MAGI2: variants seen among roughly 807,000 people sequenced by gnomAD.
MAGI2 encodes the protein membrane-associated guanylate kinase, WW and PDZ domain-containing protein 2.
MAGI2 carries 35 observed loss-of-function variants against 133.3 expected under a neutral mutation model. The ratio of observed to expected loss-of-function variants is 0.26; its 90% CI spans 0.20 to 0.35. The LOEUF (loss-of-function observed/expected upper bound fraction) is 0.35, where lower values mean the gene tolerates loss of function less well. MAGI2 is among the 10% of genes least tolerant of loss of function. The pLI, the probability that MAGI2 is intolerant of heterozygous loss-of-function variation, is 1.00. For synonymous variants in MAGI2, 729 were observed against 710.6 expected (o/e 1.03, Z -0.41); for missense variants, 1,636 against 1,863.4 (o/e 0.88, Z 2.25).
intron 10 of MAGI2, 61 bp downstream of exon 10, chr7:78,255,882 T>A (rs1320936442): frequency 6.7e-7 from 1 of 1,488,340 alleles, no homozygotes; most frequent in South Asian, 1.2e-5. Context: ...TTTAACAATA[T>A]TATTAAATGA....
In MAGI2 at chr7:78,841,049, T is replaced by C. The variant is rs541452005; in HGVS notation, c.418+166041A>G. ...GGCTCTGGCTCTATGCCAGAAAGCA[T>C]ACTTTGTCCTCCATTTTGAAAATAG... On this transcript the variant is annotated intron_variant, in intron 2 of 21. Transcript: ENST00000354212. Among the ~76,000 whole-genome samples the C allele has an allele frequency of 3.3e-5, 5 of 152,158 alleles. No homozygotes were observed. The South Asian group carries it at 1.0e-3, about 31-fold the overall frequency.
intron 4 of MAGI2, among the ~76,000 whole-genome samples, chr7:78,506,982 A>G (rs1173251863): frequency 1.3e-5 from 2 of 152,236 alleles, no homozygotes; most frequent in African/African-American, 4.8e-5. Context: ...ATCAGAGATT[A>G]CTGGACAAAG....
At chr7:79,223,454 CTA>C (rs1325034773) in intron 1 of MAGI2, among the ~76,000 whole-genome samples, 17 of 152,088 alleles carry the variant, frequency 1.1e-4, no homozygotes, top group Non-Finnish European at 1.6e-4. Flanking sequence ...CAGAAATACT[CTA>C]GAGACATTTT....
chr7:79,248,023 T>C (rs1305443085), intron 1 of MAGI2, among the ~76,000 whole-genome samples: 4 of 152,068 alleles, frequency 2.6e-5, no homozygotes, highest in Non-Finnish European at 5.9e-5. Context: ...TACTTATTAA[T>C]AATAACATTG....
At chr7:79,291,931 C>A (rs1387740279) in intron 1 of MAGI2, among the ~76,000 whole-genome samples, 1 of 151,970 alleles carries the variant, frequency 6.6e-6, no homozygotes, top group East Asian at 1.9e-4. Context: ...GCCAATTTAT[C>A]TGATTTTTTT....
intron 3 of MAGI2, among the ~76,000 whole-genome samples, chr7:78,599,762 G>C (rs1222658481): frequency 1.3e-5 from 2 of 152,120 alleles, no homozygotes; most frequent in African/African-American, 4.8e-5. Context: ...GGTATCTTGA[G>C]TCCTTCCCCA....
intron 20 of MAGI2, among the ~76,000 whole-genome samples, chr7:78,082,324 T>C (rs902090780): frequency 3.3e-5 from 5 of 152,110 alleles, no homozygotes; most frequent in African/African-American, 1.2e-4. Flanking sequence ...GTTTGAAAGC[T>C]ACGGGGGAGG....
chr7:78,332,389 A>T (rs1789299517), intron 9 of MAGI2, among the ~76,000 whole-genome samples: 1 of 152,184 alleles, frequency 6.6e-6, no homozygotes, highest in Non-Finnish European at 1.5e-5. Context: ...CATCTGTATC[A>T]CCTATGTGTC....
At chr7:78,036,950 G>C (rs1266891665) in intron 21 of MAGI2, among the ~76,000 whole-genome samples, 3 of 152,178 alleles carry the variant, frequency 2.0e-5, no homozygotes, top group Non-Finnish European at 4.4e-5. Context: ...CCTGTAAGGA[G>C]AGAAAAGGAG....
At chr7:79,297,547 A>G (rs1185839966) in intron 1 of MAGI2, among the ~76,000 whole-genome samples, 1 of 152,182 alleles carries the variant, frequency 6.6e-6, no homozygotes, top group Admixed American at 6.6e-5. Flanking sequence ...TTTATTAATA[A>G]CCTGCAGTCT....
chr7:79,171,024 G>T (rs1011646371), intron 1 of MAGI2, among the ~76,000 whole-genome samples: 1 of 151,930 alleles, frequency 6.6e-6, no homozygotes, highest in Admixed American at 6.6e-5. Context: ...TTGTTTGTTT[G>T]TTTTTAAAGA....
At position 78,833,905 on chromosome 7, in the gene MAGI2, A is replaced by G. The variant is rs533815981; in HGVS notation, c.418+173185T>C. Among the ~76,000 whole-genome samples, 7 of 152,326 alleles carry G rather than the reference A, an allele frequency of 4.6e-5. No individual in the cohort carries two copies. The East Asian group carries it at 1.4e-3, about 29-fold the overall frequency. On this transcript the variant is annotated intron_variant, in intron 2 of 21. Coordinates refer to ENST00000354212, the MANE Select transcript of MAGI2 (RefSeq NM_012301.4). ...TTTGTTATCTTTGATTATGTAGTAT[A>G]TAATGGTTAGAATAGAAAACTGAAA...
intron 1 of MAGI2, among the ~76,000 whole-genome samples, chr7:79,070,259 T>C (rs1183404680): frequency 6.6e-6 from 1 of 151,998 alleles, no homozygotes; most frequent in African/African-American, 2.4e-5. Flanking sequence ...ACGTACATTT[T>C]GCCTTTTCAC....
chr7:78,324,788 C>T lies in MAGI2; in HGVS notation c.1408+18990G>A, dbSNP rs186886117. 6.8e-4 allele frequency among the ~76,000 whole-genome samples: 104 copies of T among 152,196 alleles called. 1 individual carries two copies. Among genetic ancestry groups the T allele is most frequent in the African/African-American group, 2.4e-3 (98 of 41,534 alleles). On this transcript the variant is annotated intron_variant, in intron 9 of 21. Coordinates refer to ENST00000354212, the MANE Select transcript of MAGI2 (RefSeq NM_012301.4). ...CCAGCCTGGCCAACATGGTGACTCC[C>T]TGTCTCTAGTTAAAACAACAACAAA... is the stretch of plus-strand genomic sequence containing the variant.
intron 7 of MAGI2, among the ~76,000 whole-genome samples, chr7:78,367,395 C>T (rs2215377): frequency 0.83 from 126,396 of 152,162 alleles, 52,672 homozygotes; most frequent in African/African-American, 0.88. Context: ...GAAAAAACAA[C>T]CGGAAGAATT....
At chr7:78,713,413 CAT>C (rs1406315199) in intron 2 of MAGI2, among the ~76,000 whole-genome samples, 4 of 152,128 alleles carry the variant, frequency 2.6e-5, no homozygotes, top group Non-Finnish European at 5.9e-5. Context: ...GAAAGACAAA[CAT>C]GTGGCGTAAG....
chr7:78,672,441 A>T (rs768212679), intron 2 of MAGI2, among the ~76,000 whole-genome samples: 1 of 152,176 alleles, frequency 6.6e-6, no homozygotes, highest in Non-Finnish European at 1.5e-5. Context: ...TAAATTAGCC[A>T]GTTTCAGGTA....
chr7:79,047,510 T>C (rs1488554746), intron 1 of MAGI2, among the ~76,000 whole-genome samples: 1 of 152,016 alleles, frequency 6.6e-6, no homozygotes, highest in East Asian at 1.9e-4. Context: ...AACGAGAAAA[T>C]GCCTATATAC....
At chr7:78,390,951 T>C (rs1795846971) in intron 6 of MAGI2, among the ~76,000 whole-genome samples, 1 of 152,102 alleles carries the variant, frequency 6.6e-6, no homozygotes, top group Non-Finnish European at 1.5e-5. Context: ...TAAAATTTCT[T>C]TGGGTGAGGG....
Sources: gnomAD v4.1 joint callset for allele counts (sites outside exome capture counted in the v4.1 genomes callset) on GRCh38, gnomAD v4.1.1 for gene constraint, MANE v1.5 for transcripts, NCBI Gene and HGNC (gene_info 2026-07-23, HGNC 2026-07-21) for gene names.